PTGR1: variants seen among roughly 807,000 people sequenced by gnomAD.
The protein encoded by PTGR1 is prostaglandin reductase 1.
Under a neutral mutation model 37.7 loss-of-function variants are expected in PTGR1, and 23 were observed. That is an observed-to-expected ratio of 0.61 (90% CI 0.44 to 0.86). The LOEUF (loss-of-function observed/expected upper bound fraction) is 0.86, where lower values mean the gene tolerates loss of function less well. Among genes scored for constraint, PTGR1 ranks in the 40% least tolerant of loss-of-function variants. The pLI is 0.00. For synonymous variants in PTGR1, 134 were observed against 140.0 expected, an observed-to-expected ratio of 0.96 and a Z score of 0.30; for missense variants, 351 against 394.3, an observed-to-expected ratio of 0.89 and a Z score of 0.93.
chr9:111,597,392 T>A lies in PTGR1; in HGVS notation c.31A>T (p.Lys11Ter). The change falls in exon 2 of 10, where the codon AAG (lysine) becomes TAG (stop). Residue 11 changes from lysine (K) to a stop codon, truncating the protein, a stop_gained. Coordinates refer to ENST00000407693, the MANE Select transcript of PTGR1 (RefSeq NM_001146108.2). LOFTEE classifies it high-confidence loss of function. ...TTAGTAGGATAGCCAACAAAGTGCT[T>A]CTTCAGGGTCCATGTCTTAGTACGA... MVRTKTWTLKKHFVGYPTNSD... is the reference protein window; with the variant it reads MVRTKTWTLK The A allele has an allele frequency of 6.2e-7, 1 of 1,613,366 alleles. No homozygotes were observed. Among genetic ancestry groups the A allele is most frequent in the Non-Finnish European group, 8.5e-7 (1 of 1,179,650 alleles).
At chr9:111,554,875 AGTCC>A (rs1828076542) in intron 9 of PTGR1, among the ~76,000 whole-genome samples, 1 of 152,212 alleles carries the variant, frequency 6.6e-6, no homozygotes. Context: ...CTACAACTGA[AGTCC>A]AGGGTCTTTG....
intron 2 of PTGR1, 34 bp downstream of exon 2, chr9:111,597,283 C>G: frequency 6.7e-7 from 1 of 1,502,236 alleles, no homozygotes; most frequent in Non-Finnish European, 9.2e-7. Context: ...GATACAGTCC[C>G]TTCCAACTCT....
At chr9:111,594,315 A>G in intron 2 of PTGR1, 48 bp from the exon 3 acceptor site, 1 of 1,525,366 alleles carries the variant, frequency 6.6e-7, no homozygotes, top group Non-Finnish European at 9.1e-7. Context: ...AAGGCCTGAG[A>G]GGAACAATAG....
At chr9:111,569,183 T>C (rs1828701970) in intron 9 of PTGR1, among the ~76,000 whole-genome samples, 1 of 152,118 alleles carries the variant, frequency 6.6e-6, no homozygotes, top group Non-Finnish European at 1.5e-5. Context: ...GAGATAGAGA[T>C]GGGAACTCCC....
intron 6 of PTGR1, among the ~76,000 whole-genome samples, chr9:111,580,361 T>C (rs1398600376): frequency 6.6e-6 from 1 of 152,200 alleles, no homozygotes; most frequent in African/African-American, 2.4e-5. Context: ...CACTCAGTTA[T>C]CCAAACCTGA....
intron 6 of PTGR1, among the ~76,000 whole-genome samples, chr9:111,579,201 T>G (rs754091216): frequency 1.1e-4 from 17 of 151,938 alleles, no homozygotes; most frequent in Non-Finnish European, 2.1e-4. Context: ...TGGTTCATAG[T>G]TCCACCAGCT....
intron 8 of PTGR1, among the ~76,000 whole-genome samples, chr9:111,572,174 A>G (rs1212371705): frequency 2.0e-5 from 3 of 152,360 alleles, no homozygotes; most frequent in Admixed American, 6.5e-5. Flanking sequence ...GCAGTTGGAA[A>G]TATGAAGCTT....
At chr9:111,564,482 T>C (rs988083281) in intron 9 of PTGR1, among the ~76,000 whole-genome samples, 1 of 151,614 alleles carries the variant, frequency 6.6e-6, no homozygotes, top group Non-Finnish European at 1.5e-5. Flanking sequence ...ATTTTTTTAG[T>C]TTTTGTAGAG....
chr9:111,594,324 A>G, intron 2 of PTGR1, 57 bp from the exon 3 acceptor site: 2 of 1,469,820 alleles, frequency 1.4e-6, no homozygotes, highest in Non-Finnish European at 1.9e-6. Flanking sequence ...GAGGAACAAT[A>G]GACACTGAGC....
At chr9:111,561,104 T>TAGAGAGAGAGAGAGAGAG (rs1465441902), downstream of PTGR1, among the ~76,000 whole-genome samples, 1 of 26,384 alleles carries the variant, frequency 3.8e-5, no homozygotes, top group Non-Finnish European at 6.9e-5. Flanking sequence ...TATATATATA[T>TAGAGAGAGAGAGAGAGAG]ATATATAGAG....
In PTGR1 at chr9:111,574,715, G is replaced by A. The variant is rs1042408375; in HGVS notation, c.760+19C>T. The A allele has an allele frequency of 8.3e-6, 13 of 1,562,154 alleles. No individual in the cohort carries two copies. Among genetic ancestry groups the A allele is most frequent in the South Asian group, 4.5e-5 (4 of 88,940 alleles). ...GTCCAGCCTTGTGACATATGGGATC[G>A]TGTGCATGTGCTCATTACCTGGGGG... On this transcript the variant is annotated intron_variant, in intron 8 of 9. Coordinates refer to ENST00000407693, the MANE Select transcript of PTGR1 (RefSeq NM_001146108.2).
Position 111,562,847 on chromosome 9 carries a change from T to C in PTGR1, c.*274A>G. 2 of 838,820 alleles carry C rather than the reference T, an allele frequency of 2.4e-6. No individual in the cohort carries two copies. Among genetic ancestry groups the C allele is most frequent in the Non-Finnish European group, 3.2e-6 (2 of 631,088 alleles). 52.0% of individuals were successfully genotyped at this position (838,820 alleles called of 1,614,324 possible). A position where few individuals can be genotyped will look rare whatever the true frequency, so the allele number is the denominator to read the frequency against. ...CCCACTTATGAATGAAAACATACAG[T>C]GTTTGGAAAATTTTCACACTTCAAA... On this transcript the variant is annotated 3_prime_UTR_variant, in exon 10 of 10. Coordinates refer to ENST00000407693, the MANE Select transcript of PTGR1 (RefSeq NM_001146108.2).
chr9:111,568,696 T>C (rs546736192), intron 9 of PTGR1, among the ~76,000 whole-genome samples: 4 of 152,210 alleles, frequency 2.6e-5, no homozygotes, highest in Non-Finnish European at 5.9e-5. Context: ...CCTACTGATA[T>C]GTGGTGTCGC....
intron 2 of PTGR1, among the ~76,000 whole-genome samples, chr9:111,595,283 T>C (rs1829744349): frequency 6.6e-6 from 1 of 152,212 alleles, no homozygotes; most frequent in South Asian, 2.1e-4. Context: ...ATAATAATAA[T>C]AATGGTAATG....
downstream of PTGR1, among the ~76,000 whole-genome samples, chr9:111,561,010 GA>G: frequency 1.1e-5 from 1 of 92,560 alleles, no homozygotes; most frequent in Non-Finnish European, 2.1e-5. Context: ...GAGAGAGAGA[GA>G]GAGAGAGGTG....
Position 111,592,986 on chromosome 9 carries a change from CAAAAAAAAAAA to C in PTGR1, c.153-15_153-5del, listed in dbSNP as rs58142522. 14,726 of 956,284 alleles carry C rather than the reference CAAAAAAAAAAA, an allele frequency of 0.015. 43 individuals carry two copies. The highest frequency in any genetic ancestry group is 0.046 in the African/African-American group (1,389 of 29,986). 59.2% of individuals were successfully genotyped at this position (956,284 alleles called of 1,614,324 possible). A position where few individuals can be genotyped will look rare whatever the true frequency, so the allele number is the denominator to read the frequency against. Reference sequence around the variant, plus strand: ...CTTCAATCTTTTGGCTGCCACTCTGCAAAAAAAAAAAAAAAAAAAAAAAAAAAAAAATAGGT... The same window carrying C: ...CTTCAATCTTTTGGCTGCCACTCTGCAAAAAAAAAAAAAAAAAAAATAGGT... On this transcript the variant is annotated splice_polypyrimidine_tract_variant and splice_region_variant and intron_variant, in intron 3 of 9. Coordinates refer to ENST00000407693, the MANE Select transcript of PTGR1 (RefSeq NM_001146108.2).
chr9:111,551,075 TC>T (rs1827926651), intron 9 of PTGR1, among the ~76,000 whole-genome samples: 1 of 152,228 alleles, frequency 6.6e-6, no homozygotes, highest in Non-Finnish European at 1.5e-5. Flanking sequence ...ATACATAATT[TC>T]AAATTTTCTA....
Position 111,574,708 on chromosome 9 carries a change from T to C in PTGR1, c.760+26A>G, listed in dbSNP as rs113983459. ...TCTCCTTGTCCAGCCTTGTGACATA[T>C]GGGATCGTGTGCATGTGCTCATTAC... On this transcript the variant is annotated intron_variant, in intron 8 of 9. Coordinates refer to ENST00000407693, the MANE Select transcript of PTGR1 (RefSeq NM_001146108.2). 8 of 1,536,738 alleles carry C rather than the reference T, an allele frequency of 5.2e-6. No individual in the cohort carries two copies. In the African/African-American group the frequency reaches 5.5e-5, roughly 11 times the overall value.
intron 9 of PTGR1, among the ~76,000 whole-genome samples, chr9:111,568,830 C>T (rs1828687955): frequency 2.0e-5 from 3 of 152,292 alleles, no homozygotes; most frequent in South Asian, 2.1e-4. Context: ...TCCCCCGATA[C>T]ACTACAAGCA....
Sources: allele counts gnomAD v4.1 joint callset (sites outside exome capture counted in the v4.1 genomes callset), GRCh38; gene constraint gnomAD v4.1.1; transcripts MANE v1.5; gene names NCBI Gene and HGNC (gene_info 2026-07-23, HGNC 2026-07-21).